CEP70: variants seen among roughly 807,000 people sequenced by gnomAD.
CEP70 encodes centrosomal protein 70.
CEP70 carries 70 observed loss-of-function variants against 90.9 expected under a neutral mutation model. The ratio of observed to expected loss-of-function variants is 0.77; its 90% CI spans 0.64 to 0.94. The LOEUF (loss-of-function observed/expected upper bound fraction) is 0.94. Among genes scored for constraint, CEP70 ranks in the 40% least tolerant of loss-of-function variants. The pLI is 0.00. For synonymous variants in CEP70, 220 were observed against 228.3 expected, an observed-to-expected ratio of 0.96 and a Z score of 0.33; for missense variants, 648 against 669.0, an observed-to-expected ratio of 0.97 and a Z score of 0.35.
intron 10 of CEP70, among the ~76,000 whole-genome samples, chr3:138,528,379 T>C (rs2037492781): frequency 6.6e-6 from 1 of 152,170 alleles, no homozygotes; most frequent in South Asian, 2.1e-4. Context: ...TCTTCTTCAC[T>C]GTGGACTCCT....
chr3:138,520,687 T>G (rs1380777162), intron 11 of CEP70, among the ~76,000 whole-genome samples: 2 of 152,234 alleles, frequency 1.3e-5, no homozygotes, highest in South Asian at 2.1e-4. Flanking sequence ...TAAAGCAGTG[T>G]GTAGAGGGAA....
chr3:138,511,766 A>C (rs1484232537), intron 11 of CEP70, among the ~76,000 whole-genome samples: 1 of 152,192 alleles, frequency 6.6e-6, no homozygotes, highest in Non-Finnish European at 1.5e-5. Flanking sequence ...AGCACTTTAC[A>C]TGTATTCACT....
At chr3:138,530,334 G>T (rs144108556) in intron 8 of CEP70, among the ~76,000 whole-genome samples, 3 of 151,990 alleles carry the variant, frequency 2.0e-5, no homozygotes, top group African/African-American at 7.3e-5. Flanking sequence ...TTTAACTATT[G>T]TATCACATAA....
Position 138,530,235 on chromosome 3 carries a change from A to G in CEP70, c.693-773T>C, listed in dbSNP as rs117381055. Among the ~76,000 whole-genome samples, 7 of 152,326 alleles carry G rather than the reference A, an allele frequency of 4.6e-5. No individual in the cohort carries two copies. The East Asian group carries it at 9.6e-4, about 21-fold the overall frequency. On this transcript the variant is annotated intron_variant, in intron 8 of 17. Transcript: ENST00000264982. ...AATGCCACCAAGGAACTAAACTTTT[A>G]ATTTCATTAAATCTTAAATTTAAAA...
chr3:138,521,687 GC>G (rs1278836626), intron 11 of CEP70, among the ~76,000 whole-genome samples: 1 of 147,834 alleles, frequency 6.8e-6, no homozygotes. Flanking sequence ...CCTCTGCCCG[GC>G]CGCCCCGTCT....
chr3:138,509,841 T>C lies in CEP70; in HGVS notation c.945-1297A>G, dbSNP rs559603263. On this transcript the variant is annotated intron_variant, in intron 11 of 17. Coordinates refer to ENST00000264982, the MANE Select transcript of CEP70 (RefSeq NM_024491.4). ...CACTACCTACCAGTTAGTCACTTAG[T>C]AGCCATCTTGATTATCAGATCAACT... Among the ~76,000 whole-genome samples the C allele has an allele frequency of 1.4e-4, 21 of 152,266 alleles. No homozygotes were observed. The South Asian group carries it at 4.4e-3, about 32-fold the overall frequency.
intron 11 of CEP70, among the ~76,000 whole-genome samples, chr3:138,511,073 A>G (rs2035490670): frequency 6.6e-6 from 1 of 151,984 alleles, no homozygotes; most frequent in South Asian, 2.1e-4. Flanking sequence ...GTGTTTTACC[A>G]TGTTGGCCAG....
rs2038242673 is a variant in CEP70 at position 138,536,088 on chromosome 3, T to C, written c.635+1090A>G. 3.3e-5 allele frequency among the ~76,000 whole-genome samples: 5 copies of C among 152,136 alleles called. No homozygotes were observed. In the South Asian group the frequency reaches 1.0e-3, roughly 31 times the overall value. ...TTATTGTAAAATAGAAACATCTAATTATTCAAGATTTCCAGTCCTACTAGG... is the reference window on the plus strand; with the variant it reads ...TTATTGTAAAATAGAAACATCTAATCATTCAAGATTTCCAGTCCTACTAGG... On this transcript the variant is annotated intron_variant, in intron 7 of 17. Coordinates refer to ENST00000264982, the MANE Select transcript of CEP70 (RefSeq NM_024491.4).
At chr3:138,578,958 C>G (rs1461595989) in intron 2 of CEP70, among the ~76,000 whole-genome samples, 1 of 152,212 alleles carries the variant, frequency 6.6e-6, no homozygotes, top group African/African-American at 2.4e-5. Context: ...CTTCATATGG[C>G]TGAAAGAGGC....
chr3:138,537,606 A>T (rs928097660), intron 6 of CEP70, among the ~76,000 whole-genome samples: 1 of 152,194 alleles, frequency 6.6e-6, no homozygotes, highest in Non-Finnish European at 1.5e-5. Context: ...TTTCTTACCA[A>T]GTAAAGGAAC....
chr3:138,530,125 T>C (rs1312838287), intron 8 of CEP70, among the ~76,000 whole-genome samples: 1 of 152,254 alleles, frequency 6.6e-6, no homozygotes. Flanking sequence ...TTTAGCAATC[T>C]TGATTAACTA....
Position 138,495,113 on chromosome 3 carries a change from C to G in CEP70, c.1733-37G>C, listed in dbSNP as rs778632863. The G allele has an allele frequency of 4.7e-6, 6 of 1,271,152 alleles. No individual in the cohort carries two copies. In the Admixed American group the frequency reaches 5.4e-5, roughly 11 times the overall value. 78.7% of individuals were successfully genotyped at this position (1,271,152 alleles called of 1,614,324 possible). A position where few individuals can be genotyped will look rare whatever the true frequency, so the allele number is the denominator to read the frequency against. The stretch of plus-strand genomic sequence containing the variant: ...AAACAGTAATAATAAAAGAGAGTAA[C>G]TTTTTCTAGTGGTAAACTCACATGA... On this transcript the variant is annotated intron_variant, in intron 17 of 17. Coordinates refer to ENST00000264982, the MANE Select transcript of CEP70 (RefSeq NM_024491.4).
At chr3:138,548,968 C>T (rs1431153701) in intron 6 of CEP70, among the ~76,000 whole-genome samples, 3 of 152,098 alleles carry the variant, frequency 2.0e-5, no homozygotes, top group Admixed American at 6.5e-5. Flanking sequence ...GCTCATGGGA[C>T]AGGATTTGAC....
intron 6 of CEP70, among the ~76,000 whole-genome samples, chr3:138,567,437 G>A (rs1482647956): frequency 6.6e-6 from 1 of 152,182 alleles, no homozygotes; most frequent in Admixed American, 6.5e-5. Context: ...TTTGGCATAA[G>A]GATTATTCTG....
chr3:138,499,343 A>C (rs1392509975), intron 16 of CEP70, among the ~76,000 whole-genome samples: 1 of 152,184 alleles, frequency 6.6e-6, no homozygotes, highest in Non-Finnish European at 1.5e-5. Flanking sequence ...ATAGATGCCT[A>C]GTCTTTTAAA....
chr3:138,532,060 T>C (rs2037875460), intron 8 of CEP70, among the ~76,000 whole-genome samples: 1 of 152,200 alleles, frequency 6.6e-6, no homozygotes, highest in Admixed American at 6.5e-5. Flanking sequence ...TCTATGCTTA[T>C]TTAATCAGGT....
intron 6 of CEP70, among the ~76,000 whole-genome samples, chr3:138,563,101 G>C (rs2040525785): frequency 6.6e-6 from 1 of 151,712 alleles, no homozygotes; most frequent in Non-Finnish European, 1.5e-5. Flanking sequence ...GATCAAAAGA[G>C]ACAAGGGCAT....
intron 2 of CEP70, among the ~76,000 whole-genome samples, chr3:138,583,817 A>G (rs2041979657): frequency 6.6e-6 from 1 of 152,162 alleles, no homozygotes; most frequent in Non-Finnish European, 1.5e-5. Flanking sequence ...CAGTACTGAG[A>G]GAAATTTATA....
intron 12 of CEP70, 91 bp from the exon 13 acceptor site, chr3:138,505,556 T>C: frequency 1.5e-6 from 1 of 687,620 alleles, no homozygotes; most frequent in South Asian, 3.8e-5. Context: ...TCTATATATA[T>C]TATATACACA....
Sources: gnomAD v4.1 joint callset for allele counts (sites outside exome capture counted in the v4.1 genomes callset) on GRCh38, gnomAD v4.1.1 for gene constraint, MANE v1.5 for transcripts, NCBI Gene and HGNC (gene_info 2026-07-23, HGNC 2026-07-21) for gene names.